Variants in GOLPH3 observed in about 807,000 individuals in gnomAD.
GOLPH3 encodes the protein coat protein GPP34.
Under a neutral mutation model 28.5 loss-of-function variants are expected in GOLPH3, and 14 were observed. The ratio of observed to expected loss-of-function variants is 0.49; its 90% CI spans 0.32 to 0.77. The LOEUF is 0.77. Ranked by LOEUF, GOLPH3 falls within the 30% of genes least tolerant of loss-of-function variation. The pLI, the probability that GOLPH3 is intolerant of heterozygous loss-of-function variation, is 0.03. For synonymous variants in GOLPH3, 158 were observed against 159.2 expected (o/e 0.99, Z 0.06); for missense variants, 350 against 393.7 (o/e 0.89, Z 0.94).
At position 32,158,567 on chromosome 5, in the gene GOLPH3, G is replaced by A. The variant is rs554006898; in HGVS notation, c.226-14687C>T. ...GCAGACTCGAAGGTATCATCAGCAA[G>A]TCCATCTCCACTACTCCTCACTCTT... is the stretch of plus-strand genomic sequence containing the variant. On this transcript the variant is annotated intron_variant, in intron 1 of 3. Transcript: ENST00000265070. Among the ~76,000 whole-genome samples, 6 of 152,172 alleles carry A rather than the reference G, an allele frequency of 3.9e-5. No individual in the cohort carries two copies. The Middle Eastern group carries it at 0.01, about 259-fold the overall frequency.
At chr5:32,128,426 G>A (rs1455568012) in intron 3 of GOLPH3, among the ~76,000 whole-genome samples, 1 of 152,218 alleles carries the variant, frequency 6.6e-6, no homozygotes, top group Admixed American at 6.5e-5. Context: ...GGGTAGCCCA[G>A]ACGGGTGGAT....
intron 1 of GOLPH3, among the ~76,000 whole-genome samples, chr5:32,166,971 G>GA (rs1746729778): frequency 6.6e-6 from 1 of 151,882 alleles, no homozygotes; most frequent in African/African-American, 2.4e-5. Context: ...TTAGAAGGGG[G>GA]GGGGAGTTTG....
At chr5:32,132,968 T>A (rs1311455510) in intron 3 of GOLPH3, among the ~76,000 whole-genome samples, 1 of 152,214 alleles carries the variant, frequency 6.6e-6, no homozygotes, top group South Asian at 2.1e-4. Flanking sequence ...GCAGCAGCAT[T>A]CCCAATGTAT....
chr5:32,153,073 A>G (rs1030301912), intron 1 of GOLPH3, among the ~76,000 whole-genome samples: 1 of 152,264 alleles, frequency 6.6e-6, no homozygotes, highest in Non-Finnish European at 1.5e-5. Context: ...GAAACAACCC[A>G]TAAATCCATC....
rs1297061497 is a variant in GOLPH3 at position 32,174,111 on chromosome 5, C to T, written c.-77G>A. ...GTCGCCCTCCTCCTCCCCGCGCGGC[C>T]TCCGATCCGGGTTTCCGTGTTAAAT... On this transcript the variant is annotated 5_prime_UTR_variant, in exon 1 of 4. Coordinates refer to ENST00000265070, the MANE Select transcript of GOLPH3 (RefSeq NM_022130.4). 4 of 1,032,484 alleles carry T rather than the reference C, an allele frequency of 3.9e-6. No individual in the cohort carries two copies. Among genetic ancestry groups the T allele is most frequent in the Non-Finnish European group, 5.0e-6 (4 of 807,040 alleles). The allele number at this position is 1,032,484 out of a possible 1,614,324, so 64.0% of individuals were successfully genotyped here. A position where few individuals can be genotyped will look rare whatever the true frequency, so the allele number is the denominator to read the frequency against.
At chr5:32,166,196 A>C (rs1033296805) in intron 1 of GOLPH3, among the ~76,000 whole-genome samples, 4 of 152,218 alleles carry the variant, frequency 2.6e-5, no homozygotes, top group Non-Finnish European at 5.9e-5. Context: ...AAAATAAGTA[A>C]ATTTTTTTGT....
chr5:32,136,121 G>A (rs1171249317), intron 2 of GOLPH3, among the ~76,000 whole-genome samples: 2 of 152,176 alleles, frequency 1.3e-5, no homozygotes, highest in South Asian at 4.2e-4. Context: ...GCTGCAGGAA[G>A]CCAAGATCAC....
rs551708060 is a variant in GOLPH3 at position 32,164,686 on chromosome 5, C to T, written c.225+9124G>A. On this transcript the variant is annotated intron_variant, in intron 1 of 3. Coordinates refer to ENST00000265070, the MANE Select transcript of GOLPH3 (RefSeq NM_022130.4). ...TTGGGATTACAGGGGTGAGCTACCG[C>T]GCCCGGCCAAGAGTACGATTCTTTC... 9.9e-5 allele frequency among the ~76,000 whole-genome samples: 15 copies of T among 152,148 alleles called. No individual in the cohort carries two copies. The South Asian group carries it at 2.3e-3, about 23-fold the overall frequency.
rs183199878 is a variant in GOLPH3 at position 32,145,691 on chromosome 5, T to C, written c.226-1811A>G. Among the ~76,000 whole-genome samples the C allele has an allele frequency of 2.4e-4, 36 of 152,296 alleles. No individual in the cohort carries two copies. In the East Asian group the frequency reaches 5.8e-3, roughly 24 times the overall value. ...GAACTAAAATATGTCTCAATCTCAATTGCTCCTAGAGTAATGGCATACCCA... is the reference window on the plus strand; with the variant it reads ...GAACTAAAATATGTCTCAATCTCAACTGCTCCTAGAGTAATGGCATACCCA... On this transcript the variant is annotated intron_variant, in intron 1 of 3. Transcript: ENST00000265070.
intron 1 of GOLPH3, among the ~76,000 whole-genome samples, chr5:32,157,122 T>C (rs1746448564): frequency 6.6e-6 from 1 of 152,220 alleles, no homozygotes; most frequent in Non-Finnish European, 1.5e-5. Context: ...ATTCTCATGG[T>C]CTTCACTCAA....
chr5:32,129,644 A>G (rs1390259307), intron 3 of GOLPH3, among the ~76,000 whole-genome samples: 1 of 152,214 alleles, frequency 6.6e-6, no homozygotes, highest in Non-Finnish European at 1.5e-5. Context: ...CTCTGGTTTA[A>G]TGTTATGGGG....
chr5:32,136,835 A>C (rs138675378), intron 2 of GOLPH3, among the ~76,000 whole-genome samples: 1 of 152,372 alleles, frequency 6.6e-6, no homozygotes, highest in East Asian at 1.9e-4. Context: ...CAAGCATTTC[A>C]GATATAGGAT....
At chr5:32,136,135 G>A (rs189140859) in intron 2 of GOLPH3, among the ~76,000 whole-genome samples, 7 of 149,256 alleles carry the variant, frequency 4.7e-5, no homozygotes, top group South Asian at 4.3e-4. Context: ...AGATCACGCC[G>A]CTGCACTCCA....
chr5:32,163,517 G>T (rs1044361423), intron 1 of GOLPH3, among the ~76,000 whole-genome samples: 1 of 152,160 alleles, frequency 6.6e-6, no homozygotes, highest in Non-Finnish European at 1.5e-5. Context: ...AGCTGGGCAT[G>T]GTGGCATGTG....
chr5:32,165,873 T>G (rs1332629518), intron 1 of GOLPH3, among the ~76,000 whole-genome samples: 1 of 152,218 alleles, frequency 6.6e-6, no homozygotes, highest in South Asian at 2.1e-4. Flanking sequence ...CACAGAAATG[T>G]GGACTTCGTA....
At position 32,173,893 on chromosome 5, in the gene GOLPH3, C is replaced by G; in HGVS notation, c.142G>C (p.Asp48His). The change falls in exon 1 of 4, where the codon GAC (aspartate) becomes CAC (histidine). Residue 48 changes from aspartate (D) to histidine (H), a missense_variant. Transcript: ENST00000265070. ...DDAQSRRDEQDDDDKGDSKET... is the reference protein window; with the variant it reads ...DDAQSRRDEQHDDDKGDSKET... ...TTGGAGTCGCCCTTGTCGTCGTCGTCCTGCTCGTCGCGGCGGCTCTGCGCG... is the reference window on the plus strand; with the variant it reads ...TTGGAGTCGCCCTTGTCGTCGTCGTGCTGCTCGTCGCGGCGGCTCTGCGCG... 6.6e-7 allele frequency: 1 copy of G among 1,521,818 alleles called. No individual in the cohort carries two copies. 94.3% of individuals were successfully genotyped at this position (1,521,818 alleles called of 1,614,324 possible). A position where few individuals can be genotyped will look rare whatever the true frequency, so the allele number is the denominator to read the frequency against.
intron 1 of GOLPH3, among the ~76,000 whole-genome samples, chr5:32,164,645 C>T (rs1323190159): frequency 6.6e-6 from 1 of 152,002 alleles, no homozygotes; most frequent in Admixed American, 6.6e-5. Context: ...ATCCACCCGC[C>T]TCAACTCCCA....
intron 1 of GOLPH3, among the ~76,000 whole-genome samples, chr5:32,158,091 A>AAATAAAT (rs1746481612): frequency 2.3e-5 from 1 of 43,282 alleles, no homozygotes; most frequent in African/African-American, 1.1e-4. Flanking sequence ...ACTCTGTCTC[A>AAATAAAT]AAATAAATAA....
At chr5:32,173,269 A>G (rs539008629) in intron 1 of GOLPH3, among the ~76,000 whole-genome samples, 1 of 152,158 alleles carries the variant, frequency 6.6e-6, no homozygotes, top group African/African-American at 2.4e-5. Context: ...TTACTCAGTA[A>G]AAGAGCTTTT....
Sources: allele counts gnomAD v4.1 joint callset (sites outside exome capture counted in the v4.1 genomes callset), GRCh38; gene constraint gnomAD v4.1.1; transcripts MANE v1.5; gene names NCBI Gene and HGNC (gene_info 2026-07-23, HGNC 2026-07-21).